SNX18: variants seen among roughly 807,000 people sequenced by gnomAD.
SNX18 encodes sorting nexin 18, also known as sorting nexin-18.
Under a neutral mutation model 48.7 loss-of-function variants are expected in SNX18, and 35 were observed. The observed-to-expected ratio is 0.72, with a 90% confidence interval of 0.55 to 0.95. The LOEUF is 0.95. SNX18 is among the 40% of genes least tolerant of loss of function. The pLI, the probability that SNX18 is intolerant of heterozygous loss-of-function variation, is 0.00. For synonymous variants in SNX18, 492 were observed against 384.7 expected, an observed-to-expected ratio of 1.28 and a Z score of -3.26; for missense variants, 824 against 871.0, an observed-to-expected ratio of 0.95 and a Z score of 0.68.
the SNX18 span, among the ~76,000 whole-genome samples, chr5:54,618,604 T>C: frequency 6.6e-6 from 1 of 152,132 alleles, no homozygotes; most frequent in South Asian, 2.1e-4. Context: ...GATGTTAGAG[T>C]AGATGTTAAA....
At chr5:54,576,305 G>A in the SNX18 span, among the ~76,000 whole-genome samples, 1 of 152,178 alleles carries the variant, frequency 6.6e-6, no homozygotes, top group African/African-American at 2.4e-5. Flanking sequence ...AGTTTTGGGT[G>A]ACAAGTTATA....
chr5:54,558,565 T>A, the SNX18 span, among the ~76,000 whole-genome samples: 2 of 152,188 alleles, frequency 1.3e-5, no homozygotes, highest in Non-Finnish European at 2.9e-5. Context: ...CACCTGTTCC[T>A]CCTCTGACTT....
chr5:54,556,512 G>A, the SNX18 span, among the ~76,000 whole-genome samples: 2 of 152,270 alleles, frequency 1.3e-5, no homozygotes, highest in South Asian at 4.1e-4. Context: ...ATTACATTGG[G>A]TCCACCTGGT....
chr5:54,594,713 CT>C, the SNX18 span, among the ~76,000 whole-genome samples: 4 of 152,094 alleles, frequency 2.6e-5, no homozygotes, highest in Non-Finnish European at 5.9e-5. Context: ...ACAATTTCAA[CT>C]TCTATTTTAG....
chr5:54,567,298 A>G, the SNX18 span, among the ~76,000 whole-genome samples: 1 of 151,922 alleles, frequency 6.6e-6, no homozygotes, highest in African/African-American at 2.4e-5. Context: ...GTGTGTGAGG[A>G]CAAAGGTAAA....
At chr5:54,565,309 C>A in the SNX18 span, among the ~76,000 whole-genome samples, 1 of 152,154 alleles carries the variant, frequency 6.6e-6, no homozygotes, top group Non-Finnish European at 1.5e-5. Context: ...TAGAAAGAAT[C>A]AAGCCTATAA....
At chr5:54,579,589 C>T in the SNX18 span, among the ~76,000 whole-genome samples, 18 of 152,274 alleles carry the variant, frequency 1.2e-4, no homozygotes, top group East Asian at 2.3e-3. Context: ...TAGAACAGTT[C>T]GAGCTTTTTG....
At chr5:54,581,538 C>T in the SNX18 span, among the ~76,000 whole-genome samples, 1 of 152,108 alleles carries the variant, frequency 6.6e-6, no homozygotes, top group Non-Finnish European at 1.5e-5. Context: ...CAGACTTCTC[C>T]CTGGGCTCAG....
chr5:54,571,629 T>C, the SNX18 span, among the ~76,000 whole-genome samples: 4 of 152,348 alleles, frequency 2.6e-5, no homozygotes, highest in African/African-American at 9.6e-5. Context: ...GGTGGTGTCC[T>C]TGGGAAACGC....
At chr5:54,549,764 A>G (rs1762624660), downstream of SNX18, among the ~76,000 whole-genome samples, 2 of 152,204 alleles carry the variant, frequency 1.3e-5, no homozygotes, top group South Asian at 2.1e-4. Context: ...CTCTGTGTTC[A>G]CGTCCCAACC....
intron 1 of SNX18, among the ~76,000 whole-genome samples, chr5:54,540,290 A>G (rs949529982): frequency 4.0e-5 from 6 of 151,340 alleles, no homozygotes; most frequent in South Asian, 4.2e-4. Context: ...ATCACGGCTC[A>G]TTGCAGCCTC....
chr5:54,603,928 T>A, the SNX18 span, among the ~76,000 whole-genome samples: 1 of 152,214 alleles, frequency 6.6e-6, no homozygotes, highest in Non-Finnish European at 1.5e-5. Flanking sequence ...GGTTTTGCAA[T>A]CTATTTAAGA....
the SNX18 span, among the ~76,000 whole-genome samples, chr5:54,641,764 C>G: frequency 6.6e-6 from 1 of 152,138 alleles, no homozygotes; most frequent in Admixed American, 6.5e-5. Flanking sequence ...GGCTCCTTAG[C>G]CCCTTGTAAA....
At chr5:54,561,770 T>G in the SNX18 span, among the ~76,000 whole-genome samples, 20 of 152,348 alleles carry the variant, frequency 1.3e-4, no homozygotes, top group Non-Finnish European at 2.2e-4. Flanking sequence ...GTTTGTTATG[T>G]AGAAATAATG....
At chr5:54,578,453 G>T in the SNX18 span, among the ~76,000 whole-genome samples, 1 of 152,176 alleles carries the variant, frequency 6.6e-6, no homozygotes, top group Non-Finnish European at 1.5e-5. Flanking sequence ...GGCCTTAGTG[G>T]CTCTGCCTCC....
In SNX18 at chr5:54,518,769, C is replaced by T. The variant is rs772527641; in HGVS notation, c.817C>T (p.Pro273Ser). ...GPYGPEWQEN[P>S]YPFQCTIDDP... ...CTATGGCCCCGAGTGGCAGGAGAAC[C>T]CCTACCCGTTCCAGTGCACCATCGA... The change falls in exon 1 of 2, where the codon CCC (proline) becomes TCC (serine). Residue 273 changes from proline to serine, a missense_variant. Pro to Ser is a moderately conservative substitution (Grantham distance 74, BLOSUM62 -1). Transcript: ENST00000381410. 1.6e-5 allele frequency: 25 copies of T among 1,606,818 alleles called. No individual in the cohort carries two copies. The highest frequency in any genetic ancestry group is 2.0e-5 in the Non-Finnish European group (23 of 1,176,110).
the SNX18 span, among the ~76,000 whole-genome samples, chr5:54,588,306 C>CTTTT: frequency 4.1e-5 from 3 of 73,918 alleles, no homozygotes; most frequent in Non-Finnish European, 7.5e-5. Flanking sequence ...TATTTCTATT[C>CTTTT]TTTTTTTTTT....
the SNX18 span, among the ~76,000 whole-genome samples, chr5:54,556,629 G>A: frequency 6.6e-6 from 1 of 152,116 alleles, no homozygotes; most frequent in Admixed American, 6.6e-5. Flanking sequence ...ACAGATTCTT[G>A]GGTTCTGGGC....
At chr5:54,638,013 G>GAGAA in the SNX18 span, among the ~76,000 whole-genome samples, 1 of 149,986 alleles carries the variant, frequency 6.7e-6, no homozygotes, top group Admixed American at 6.6e-5. Flanking sequence ...GAGAGAGAGA[G>GAGAA]AACATTTTCT....
Sources: allele counts gnomAD v4.1 joint callset (sites outside exome capture counted in the v4.1 genomes callset), GRCh38; gene constraint gnomAD v4.1.1; transcripts MANE v1.5; gene names NCBI Gene and HGNC (gene_info 2026-07-23, HGNC 2026-07-21).